The following EIF4G3 variants were observed in gnomAD, a reference collection of about 807,000 sequenced individuals.
EIF4G3 encodes eukaryotic translation initiation factor 4 gamma 3, also known as eIF-4-gamma 3.
EIF4G3 carries 34 observed loss-of-function variants against 186.4 expected under a neutral mutation model. The observed-to-expected ratio is 0.18, with a 90% CI of 0.14 to 0.24. The LOEUF (loss-of-function observed/expected upper bound fraction) is 0.24. EIF4G3 is among the 10% of genes least tolerant of loss of function. The pLI is 1.00. For missense variants in EIF4G3, 1,536 were observed against 1,948.5 expected (o/e 0.79, Z 3.99); for synonymous variants, 673 against 679.5 (o/e 0.99, Z 0.15).
intron 4 of EIF4G3, among the ~76,000 whole-genome samples, chr1:21,049,667 G>A (rs556318836): frequency 2.0e-5 from 3 of 152,058 alleles, no homozygotes; most frequent in Non-Finnish European, 4.4e-5. Flanking sequence ...TCAGCACATG[G>A]CCAGGAGATC....
At chr1:21,158,364 C>T (rs868711967) in intron 2 of EIF4G3, among the ~76,000 whole-genome samples, 2 of 150,996 alleles carry the variant, frequency 1.3e-5, no homozygotes, top group African/African-American at 4.9e-5. Flanking sequence ...TTGGTAGAGG[C>T]GAGGTTTTGC....
At chr1:20,831,878 G>A (rs1258063071) in intron 30 of EIF4G3, among the ~76,000 whole-genome samples, 4 of 142,610 alleles carry the variant, frequency 2.8e-5, no homozygotes, top group Admixed American at 2.1e-4. Context: ...TTGTTCTTGC[G>A]ATAGTTTACT....
intron 20 of EIF4G3, among the ~76,000 whole-genome samples, chr1:20,872,370 T>TC (rs1357406902): frequency 6.6e-6 from 1 of 151,992 alleles, no homozygotes; most frequent in Non-Finnish European, 1.5e-5. Flanking sequence ...AAGTGATCCT[T>TC]CCATCTTGAC....
intron 3 of EIF4G3, among the ~76,000 whole-genome samples, chr1:21,069,929 G>A (rs988968569): frequency 6.6e-6 from 1 of 152,108 alleles, no homozygotes; most frequent in African/African-American, 2.4e-5. Flanking sequence ...AGGAAGAATA[G>A]AGAAATGAAA....
intron 4 of EIF4G3, among the ~76,000 whole-genome samples, chr1:21,007,498 C>A (rs2085441236): frequency 8.5e-6 from 1 of 118,280 alleles, no homozygotes. Context: ...TGAATATATT[C>A]ACAATGGGCC....
chr1:21,086,091 G>A (rs1048621438), intron 3 of EIF4G3, among the ~76,000 whole-genome samples: 1 of 151,928 alleles, frequency 6.6e-6, no homozygotes, highest in East Asian at 1.9e-4. Flanking sequence ...CAGAAACTGG[G>A]TCAATTCTAA....
At chr1:21,066,890 C>T (rs2095262427) in intron 3 of EIF4G3, among the ~76,000 whole-genome samples, 2 of 152,082 alleles carry the variant, frequency 1.3e-5, no homozygotes, top group East Asian at 1.9e-4. Context: ...TTTTTAAAAA[C>T]AGTACATATA....
At chr1:20,883,930 T>C (rs1483952710) in intron 19 of EIF4G3, among the ~76,000 whole-genome samples, 1 of 152,002 alleles carries the variant, frequency 6.6e-6, no homozygotes, top group Non-Finnish European at 1.5e-5. Flanking sequence ...AATGTTGTAA[T>C]AGAGGAGAAA....
At chr1:20,854,900 T>G (rs990369192) in intron 26 of EIF4G3, 78 bp downstream of exon 26, 6 of 1,216,208 alleles carry the variant, frequency 4.9e-6, no homozygotes, top group Non-Finnish European at 4.8e-6. Flanking sequence ...AAACCATCAT[T>G]CGATGACTAT....
At chr1:20,883,554 C>A (rs1158614350) in intron 19 of EIF4G3, among the ~76,000 whole-genome samples, 1 of 151,658 alleles carries the variant, frequency 6.6e-6, no homozygotes, top group Non-Finnish European at 1.5e-5. Context: ...GAGGCGGAGG[C>A]TGCAGTGAGC....
chr1:21,124,099 TAGC>T (rs1273255537), intron 2 of EIF4G3, among the ~76,000 whole-genome samples: 2 of 152,046 alleles, frequency 1.3e-5, no homozygotes, highest in Non-Finnish European at 1.5e-5. Context: ...CAGACCAGCC[TAGC>T]CAACATGATG....
intron 25 of EIF4G3, among the ~76,000 whole-genome samples, chr1:20,857,022 G>A (rs2075110583): frequency 6.6e-6 from 1 of 151,870 alleles, no homozygotes. Context: ...AATTAGCCGG[G>A]TGTGGTGACG....
chr1:21,007,680 T>TA (rs2085665467), intron 4 of EIF4G3, among the ~76,000 whole-genome samples: 1 of 151,696 alleles, frequency 6.6e-6, no homozygotes, highest in Non-Finnish European at 1.5e-5. Context: ...ATGTCCATAA[T>TA]AATATTAAGT....
intron 7 of EIF4G3, 78 bp from the exon 8 acceptor site, chr1:20,982,486 C>T (rs2078508425): frequency 4.8e-6 from 5 of 1,042,536 alleles, no homozygotes; most frequent in Non-Finnish European, 6.8e-6. Flanking sequence ...TTGGAAGGGA[C>T]AGGAAATAGC....
chr1:21,060,831 C>A lies in EIF4G3; in HGVS notation c.-195-9837G>T, dbSNP rs1233637600. 1.3e-4 allele frequency among the ~76,000 whole-genome samples: 19 copies of A among 149,006 alleles called. 1 individual carries two copies. The highest frequency in any genetic ancestry group is 1.3e-3 in the Admixed American group (19 of 14,950). ...AAAGCTACTGCAATCATCTTGGCCA[C>A]AACTAATGGTGGCTTAGAACACGGT... On this transcript the variant is annotated intron_variant, in intron 3 of 36. Coordinates refer to ENST00000602326, the MANE Select transcript of EIF4G3 (RefSeq NM_001391906.1).
intron 13 of EIF4G3, among the ~76,000 whole-genome samples, chr1:20,949,518 C>A (rs1216064743): frequency 6.6e-6 from 1 of 152,182 alleles, no homozygotes; most frequent in East Asian, 1.9e-4. Flanking sequence ...TCAATCAAGA[C>A]CAAATAACTA....
rs755076461 is a variant in EIF4G3, at chr1:20,860,503, A to C, written c.3126T>G (p.Ser1042=). The C allele has an allele frequency of 2.5e-6, 4 of 1,613,860 alleles. No individual in the cohort carries two copies. Among genetic ancestry groups the C allele is most frequent in the Non-Finnish European group, 3.4e-6 (4 of 1,179,970 alleles). The change falls in exon 24 of 37, where the codon TCT becomes TCG. Residue 1042 remains serine, a synonymous_variant. Transcript: ENST00000602326. ...TTTTAGGCCCTTGATCTGCTCTTCG[A>C]GATACCCAATTGCACTATAAAAGCA... ...VIDLRLCNWV[S]RRADQGPKTI... is the part of the protein sequence containing the mutation.
At position 20,957,890 on chromosome 1, in the gene EIF4G3, T is replaced by C. The variant is rs929287645; in HGVS notation, c.715-7779A>G. On this transcript the variant is annotated intron_variant, in intron 12 of 36. Coordinates refer to ENST00000602326, the MANE Select transcript of EIF4G3 (RefSeq NM_001391906.1). ...AACAGACCAATGACAAGCAGCAAGATTGAATCAGTAATTTTAAAATTTCCA... is the reference window on the plus strand; with the variant it reads ...AACAGACCAATGACAAGCAGCAAGACTGAATCAGTAATTTTAAAATTTCCA... Among the ~76,000 whole-genome samples the C allele has an allele frequency of 3.9e-5, 6 of 152,114 alleles. 1 individual carries two copies. The highest frequency in any genetic ancestry group is 7.2e-5 in the African/African-American group (3 of 41,520).
At chr1:21,130,674 A>G (rs2102494225) in intron 2 of EIF4G3, among the ~76,000 whole-genome samples, 1 of 152,234 alleles carries the variant, frequency 6.6e-6, no homozygotes, top group South Asian at 2.1e-4. Context: ...CATATAGAAA[A>G]AACCACCTTT....
Sources: gnomAD v4.1 joint callset for allele counts (sites outside exome capture counted in the v4.1 genomes callset) on GRCh38, gnomAD v4.1.1 for gene constraint, MANE v1.5 for transcripts, NCBI Gene and HGNC (gene_info 2026-07-23, HGNC 2026-07-21) for gene names.